CDK17: variants seen among roughly 807,000 people sequenced by gnomAD.
The protein encoded by CDK17 is cyclin-dependent kinase 17.
In CDK17, 24 loss-of-function variants were observed where a neutral mutation model predicts 77.6. The ratio of observed to expected loss-of-function variants is 0.31; its 90% CI spans 0.22 to 0.44. The LOEUF is 0.44. Ranked by LOEUF, CDK17 falls within the 20% of genes least tolerant of loss-of-function variation. The pLI, the probability that CDK17 is intolerant of heterozygous loss-of-function variation, is 1.00. For missense variants in CDK17, 429 were observed against 622.5 expected, an observed-to-expected ratio of 0.69 and a Z score of 3.31; for synonymous variants, 203 against 210.4, an observed-to-expected ratio of 0.96 and a Z score of 0.30.
At chr12:96,357,747 G>A (rs565026712) in intron 1 of CDK17, among the ~76,000 whole-genome samples, 129 of 152,266 alleles carry the variant, frequency 8.5e-4, no homozygotes, top group Middle Eastern at 6.8e-3. Flanking sequence ...CTGGTGAAAT[G>A]TTAACTAGTA....
chr12:96,380,405 CGAGTAGCT>C (rs998651612), intron 1 of CDK17, among the ~76,000 whole-genome samples: 10 of 151,566 alleles, frequency 6.6e-5, no homozygotes, highest in African/African-American at 2.4e-4. Context: ...CTCAGCCTCC[CGAGTAGCT>C]GGGATTACAG....
intron 2 of CDK17, among the ~76,000 whole-genome samples, chr12:96,334,356 T>C (rs530985342): frequency 6.6e-6 from 1 of 152,344 alleles, no homozygotes; most frequent in South Asian, 2.1e-4. Context: ...ACAGACTTCC[T>C]ATGCACTTTT....
intron 1 of CDK17, among the ~76,000 whole-genome samples, chr12:96,352,615 C>A (rs1404185251): frequency 6.6e-6 from 1 of 152,182 alleles, no homozygotes; most frequent in Non-Finnish European, 1.5e-5. Flanking sequence ...AAACTAAAGA[C>A]AACTAAAACT....
At chr12:96,374,614 A>G (rs1271603799) in intron 1 of CDK17, among the ~76,000 whole-genome samples, 1 of 152,194 alleles carries the variant, frequency 6.6e-6, no homozygotes, top group East Asian at 1.9e-4. Flanking sequence ...TACTTCCTTT[A>G]TAAATTTAGT....
intron 5 of CDK17, 78 bp downstream of exon 5, chr12:96,310,974 A>G (rs2137104148): frequency 7.0e-7 from 1 of 1,423,426 alleles, no homozygotes. Context: ...ATAAAAATTA[A>G]TTTAAAATGT....
At chr12:96,334,900 T>C (rs112021876) in intron 1 of CDK17, 35 bp from the exon 2 acceptor site, 2 of 868,416 alleles carry the variant, frequency 2.3e-6, no homozygotes, top group Non-Finnish European at 3.8e-6. Flanking sequence ...ACTAAAGCTA[T>C]AAATATTTTA....
intron 1 of CDK17, among the ~76,000 whole-genome samples, chr12:96,346,036 A>G (rs887819867): frequency 6.6e-5 from 10 of 152,238 alleles, no homozygotes; most frequent in Non-Finnish European, 1.3e-4. Context: ...AATGCTGTCT[A>G]TAAGAGACCG....
At chr12:96,282,683 C>A in intron 14 of CDK17, 84 bp from the exon 15 acceptor site, 1 of 800,976 alleles carries the variant, frequency 1.2e-6, no homozygotes, top group East Asian at 2.5e-5. Context: ...GCATTTAGAG[C>A]TACTTAAAAA....
intron 5 of CDK17, among the ~76,000 whole-genome samples, chr12:96,304,640 T>G (rs1196072786): frequency 2.0e-5 from 3 of 152,306 alleles, no homozygotes; most frequent in Admixed American, 1.3e-4. Context: ...AAGAAATGTG[T>G]TTTATCCCTT....
At chr12:96,355,281 A>T (rs1953376004) in intron 1 of CDK17, among the ~76,000 whole-genome samples, 1 of 151,556 alleles carries the variant, frequency 6.6e-6, no homozygotes, top group South Asian at 2.1e-4. Flanking sequence ...CTACTCAAAT[A>T]TCACTTCCCT....
chr12:96,306,076 A>G (rs1385799433), intron 5 of CDK17, among the ~76,000 whole-genome samples: 1 of 152,096 alleles, frequency 6.6e-6, no homozygotes, highest in Non-Finnish European at 1.5e-5. Flanking sequence ...GTAAGAGAGG[A>G]AGAGTTAATC....
intron 1 of CDK17, among the ~76,000 whole-genome samples, chr12:96,364,444 A>G (rs1341751877): frequency 1.3e-5 from 2 of 152,220 alleles, no homozygotes; most frequent in Non-Finnish European, 2.9e-5. Context: ...ACTCTGATGA[A>G]CAGTATATCA....
chr12:96,344,456 G>C (rs985157639), intron 1 of CDK17, among the ~76,000 whole-genome samples: 2 of 152,144 alleles, frequency 1.3e-5, no homozygotes, highest in African/African-American at 4.8e-5. Flanking sequence ...CAAGAGAAAA[G>C]CAACTAGACA....
chr12:96,294,917 G>T, intron 10 of CDK17, 82 bp downstream of exon 10: 4 of 1,161,526 alleles, frequency 3.4e-6, no homozygotes, highest in South Asian at 3.7e-5. Flanking sequence ...AAAAGCAATG[G>T]CACATTATGA....
chr12:96,345,750 C>T (rs1953198894), intron 1 of CDK17, among the ~76,000 whole-genome samples: 1 of 151,646 alleles, frequency 6.6e-6, no homozygotes, highest in Admixed American at 6.6e-5. Context: ...CTATAATCCT[C>T]AAGGTAACCA....
At position 96,399,978 on chromosome 12, in the gene CDK17, C is replaced by T. The variant is rs1394651252; in HGVS notation, c.-30+8G>A. On this transcript the variant is annotated splice_region_variant and intron_variant, in intron 1 of 16. Transcript: ENST00000261211. ...AAAGCGCGGCGCGGACGCCAGCCGC[C>T]AACTCACCAGCAAGAGCGGGGACCG... The T allele has an allele frequency of 2.6e-6, 1 of 378,608 alleles. No homozygotes were observed. The highest frequency in any genetic ancestry group is 2.1e-5 in the African/African-American group (1 of 47,800). 23.5% of individuals were successfully genotyped at this position (378,608 alleles called of 1,614,324 possible).
intron 5 of CDK17, among the ~76,000 whole-genome samples, chr12:96,306,337 C>T (rs866283207): frequency 1.3e-5 from 2 of 151,406 alleles, no homozygotes; most frequent in African/African-American, 4.9e-5. Flanking sequence ...GAGGCCAAAG[C>T]GGGAGGACTG....
chr12:96,382,164 C>T (rs929974868), intron 1 of CDK17, among the ~76,000 whole-genome samples: 1 of 151,944 alleles, frequency 6.6e-6, no homozygotes, highest in African/African-American at 2.4e-5. Flanking sequence ...TTTGTCACAG[C>T]ACCGATTTAA....
intron 1 of CDK17, among the ~76,000 whole-genome samples, chr12:96,358,295 TAC>T (rs1279612935): frequency 3.0e-5 from 4 of 131,956 alleles, no homozygotes; most frequent in African/African-American, 1.2e-4. Context: ...TATAACTACA[TAC>T]ACACACAGAT....
Sources: gnomAD v4.1 joint callset for allele counts (sites outside exome capture counted in the v4.1 genomes callset) on GRCh38, gnomAD v4.1.1 for gene constraint, MANE v1.5 for transcripts, NCBI Gene and HGNC (gene_info 2026-07-23, HGNC 2026-07-21) for gene names.